Variants in ANKRD30BL observed in about 807,000 individuals in gnomAD.
ANKRD30BL encodes ankyrin repeat domain 30B like, also known as putative ankyrin repeat domain-containing protein 30B-like.
In ANKRD30BL, 20 loss-of-function variants were observed where a neutral mutation model predicts 18.4. That is an observed-to-expected ratio of 1.09 (90% CI 0.77 to 1.58). ANKRD30BL has a LOEUF of 1.58. ANKRD30BL is among the 40% of genes most tolerant of loss of function. ANKRD30BL has a pLI of 0.00. For synonymous variants in ANKRD30BL, 72 were observed against 100.9 expected, an observed-to-expected ratio of 0.71 and a Z score of 1.72; for missense variants, 224 against 268.6, an observed-to-expected ratio of 0.83 and a Z score of 1.16.
intron 1 of ANKRD30BL, among the ~76,000 whole-genome samples, chr2:132,222,185 G>C (rs1262228540): frequency 6.7e-6 from 1 of 148,302 alleles, no homozygotes; most frequent in Non-Finnish European, 1.5e-5. Context: ...CCTCTGCCTG[G>C]CCAGCCGCCC....
At chr2:132,240,458 G>A (rs1179958879) in intron 1 of ANKRD30BL, among the ~76,000 whole-genome samples, 2 of 151,718 alleles carry the variant, frequency 1.3e-5, no homozygotes, top group South Asian at 2.1e-4. Context: ...AAGTTGGAAC[G>A]CTTTGAGGCC....
chr2:132,252,318 G>A (rs1680671029), intron 1 of ANKRD30BL, among the ~76,000 whole-genome samples: 1 of 152,240 alleles, frequency 6.6e-6, no homozygotes, highest in African/African-American at 2.4e-5. Context: ...ACGGGTCCGA[G>A]GATGCAGCGG....
rs1679052937 is a variant in ANKRD30BL at position 132,199,616 on chromosome 2, C to T, written n.442-42470G>A. 3.3e-5 allele frequency among the ~76,000 whole-genome samples: 5 copies of T among 152,038 alleles called. No individual in the cohort carries two copies. The South Asian group carries it at 1.0e-3, about 32-fold the overall frequency. On this transcript the variant is annotated intron_variant and non_coding_transcript_variant, in intron 1 of 4. Transcript: ENST00000470729. ...CCACCTGCCGAGTTCAAGCAAATCT[C>T]CTGCCTCAGCCTCATGAGTAGCTGG...
chr2:132,161,988 G>T (rs1435615008), upstream of ANKRD30BL: 6 of 322,092 alleles, frequency 1.9e-5, no homozygotes, highest in East Asian at 4.0e-4. Context: ...AGACCTGGGA[G>T]ACACGCGAGG....
chr2:132,172,371 C>T (rs1175777451), intron 1 of ANKRD30BL, among the ~76,000 whole-genome samples: 1 of 152,168 alleles, frequency 6.6e-6, no homozygotes, highest in Non-Finnish European at 1.5e-5. Flanking sequence ...ACTCTAAATC[C>T]TCACTAACAC....
chr2:132,237,567 C>T (rs376322809), intron 1 of ANKRD30BL, among the ~76,000 whole-genome samples: 1 of 151,780 alleles, frequency 6.6e-6, no homozygotes, highest in Non-Finnish European at 1.5e-5. Flanking sequence ...GTAGAATTTG[C>T]AAGTGGATAT....
chr2:132,240,331 A>G (rs2104794062), intron 1 of ANKRD30BL, among the ~76,000 whole-genome samples: 1 of 151,508 alleles, frequency 6.6e-6, no homozygotes, highest in Non-Finnish European at 1.5e-5. Context: ...TTCGCATAAA[A>G]CTAGACAGAA....
chr2:132,236,373 C>T (rs1054062951), intron 1 of ANKRD30BL, among the ~76,000 whole-genome samples: 2 of 152,150 alleles, frequency 1.3e-5, no homozygotes, highest in East Asian at 1.9e-4. Context: ...GCAACCTACT[C>T]ATCTGACAAA....
intron 1 of ANKRD30BL, among the ~76,000 whole-genome samples, chr2:132,189,628 G>T (rs1357363245): frequency 4.0e-5 from 6 of 151,186 alleles, no homozygotes; most frequent in Admixed American, 6.6e-5. Context: ...AAACACAATC[G>T]CTGGTGATGT....
At chr2:132,232,031 A>G (rs1680034963) in intron 1 of ANKRD30BL, among the ~76,000 whole-genome samples, 3 of 152,194 alleles carry the variant, frequency 2.0e-5, no homozygotes, top group Middle Eastern at 3.4e-3. Context: ...CTGACCCCTG[A>G]CCCCCGAGCA....
In ANKRD30BL at chr2:132,147,836, G is replaced by C. The variant is rs1687646574; in HGVS notation, c.*295C>G. The C allele has an allele frequency of 2.8e-6, 1 of 356,322 alleles. No homozygotes were observed. The highest frequency in any genetic ancestry group is 2.1e-5 in the African/African-American group (1 of 47,898). The allele number at this position is 356,322 out of a possible 1,614,324, so 22.1% of individuals were successfully genotyped here. ...GTGAGTAGTTTCAGCGGGAAAGACAGTTACAGAGCAGGTGTCTAAGGATGA... is the reference window on the plus strand; with the variant it reads ...GTGAGTAGTTTCAGCGGGAAAGACACTTACAGAGCAGGTGTCTAAGGATGA... On this transcript the variant is annotated 3_prime_UTR_variant, in exon 6 of 6. Transcript: ENST00000409867.
chr2:132,221,375 GT>G (rs1679675500), intron 1 of ANKRD30BL, among the ~76,000 whole-genome samples: 1 of 130,698 alleles, frequency 7.7e-6, no homozygotes, highest in African/African-American at 3.5e-5. Context: ...GGGAGGGGGG[GT>G]CAGCCCCCTG....
At chr2:132,223,556 C>G (rs1679758283) in intron 1 of ANKRD30BL, among the ~76,000 whole-genome samples, 1 of 151,878 alleles carries the variant, frequency 6.6e-6, no homozygotes. Flanking sequence ...TTGAAACACT[C>G]TTTTTGCAGA....
chr2:132,254,610 G>A (rs376880286), intron 1 of ANKRD30BL, among the ~76,000 whole-genome samples: 194 of 152,246 alleles, frequency 1.3e-3, no homozygotes, highest in Non-Finnish European at 2.2e-3. Context: ...GATCACCATC[G>A]CCAATGAGGT....
At chr2:132,232,248 A>G (rs1446155894) in intron 1 of ANKRD30BL, among the ~76,000 whole-genome samples, 1 of 152,222 alleles carries the variant, frequency 6.6e-6, no homozygotes, top group Non-Finnish European at 1.5e-5. Context: ...AACAGAACAG[A>G]AAAACTGGAA....
chr2:132,222,392 A>C (rs1394806523), intron 1 of ANKRD30BL, among the ~76,000 whole-genome samples: 7 of 152,040 alleles, frequency 4.6e-5, no homozygotes, highest in African/African-American at 1.7e-4. Flanking sequence ...GTGGAATAGA[A>C]AGGCGGGAAG....
chr2:132,185,220 T>C (rs1460793122), intron 1 of ANKRD30BL, among the ~76,000 whole-genome samples: 3 of 152,330 alleles, frequency 2.0e-5, no homozygotes, highest in African/African-American at 7.2e-5. Flanking sequence ...TATGGATTAT[T>C]TTATGTAGAG....
At position 132,257,133 on chromosome 2, in the gene ANKRD30BL, C is replaced by T. The variant is rs928935933; in HGVS notation, n.441+396G>A. 5.2e-5 allele frequency: 24 copies of T among 465,858 alleles called. No homozygotes were observed. The East Asian group carries it at 1.2e-3, about 23-fold the overall frequency. 28.9% of individuals were successfully genotyped at this position (465,858 alleles called of 1,614,324 possible). ...TCCCGCCATCAGGACCCCGAGGTGA[C>T]CTCAGCCACAAACCTAACGCCAGGG... On this transcript the variant is annotated intron_variant and non_coding_transcript_variant, in intron 1 of 4. Transcript: ENST00000470729.
At chr2:132,185,871 T>C (rs1688551929) in intron 1 of ANKRD30BL, among the ~76,000 whole-genome samples, 1 of 152,210 alleles carries the variant, frequency 6.6e-6, no homozygotes, top group Non-Finnish European at 1.5e-5. Flanking sequence ...CCAGGTGCAG[T>C]AGCTCATGCC....
Sources: allele counts gnomAD v4.1 joint callset (sites outside exome capture counted in the v4.1 genomes callset), GRCh38; gene constraint gnomAD v4.1.1; transcripts MANE v1.5; gene names NCBI Gene and HGNC (gene_info 2026-07-23, HGNC 2026-07-21).